NBEA: variants seen among roughly 807,000 people sequenced by gnomAD.
NBEA encodes the protein neurobeachin.
NBEA carries 44 observed loss-of-function variants against 343.4 expected under a neutral mutation model. That is an observed-to-expected ratio of 0.13 (90% confidence interval 0.10 to 0.16). The LOEUF (loss-of-function observed/expected upper bound fraction) is 0.16. NBEA is among the 10% of genes least tolerant of loss of function. NBEA has a pLI of 1.00. For missense variants in NBEA, 2,555 were observed against 3,631.3 expected (o/e 0.70, Z 7.62); for synonymous variants, 1,175 against 1,238.7 (o/e 0.95, Z 1.08).
At chr13:35,358,780 C>T (rs2040641731) in intron 38 of NBEA, among the ~76,000 whole-genome samples, 1 of 151,834 alleles carries the variant, frequency 6.6e-6, no homozygotes, top group Admixed American at 6.6e-5. Flanking sequence ...TAGAAAAGTG[C>T]CAAGTACTTT....
At chr13:35,251,571 G>T in intron 34 of NBEA, 1 of 1,202,858 alleles carries the variant, frequency 8.3e-7, no homozygotes. Flanking sequence ...TCAGGAAGGC[G>T]TTCACAGAAG....
chr13:35,419,549 GA>G (rs889819292), intron 38 of NBEA, among the ~76,000 whole-genome samples: 1 of 151,948 alleles, frequency 6.6e-6, no homozygotes, highest in African/African-American at 2.4e-5. Context: ...ACTGCTTTTG[GA>G]AAAATGTAAT....
intron 41 of NBEA, among the ~76,000 whole-genome samples, chr13:35,505,196 A>G (rs2077030601): frequency 6.6e-6 from 1 of 152,196 alleles, no homozygotes; most frequent in African/African-American, 2.4e-5. Flanking sequence ...CTATGTTCAT[A>G]TGAATCCAAC....
At chr13:35,557,089 A>G (rs953377121) in intron 44 of NBEA, among the ~76,000 whole-genome samples, 1 of 152,076 alleles carries the variant, frequency 6.6e-6, no homozygotes, top group Non-Finnish European at 1.5e-5. Context: ...ACTGGAGGGC[A>G]GGGTGATATA....
chr13:35,583,937 G>T lies in NBEA; in HGVS notation c.7075G>T (p.Ala2359Ser). The T allele has an allele frequency of 6.2e-7, 1 of 1,613,440 alleles. No homozygotes were observed. ...GAACCCCAAGAGAGCTGTGTTTTATGCAGAGCGTTATGAGACATGGGAAGA... is the reference window on the plus strand; with the variant it reads ...GAACCCCAAGAGAGCTGTGTTTTATTCAGAGCGTTATGAGACATGGGAAGA... ...ALNPKRAVFY[A>S]ERYETWEDDQ... The change falls in exon 46 of 59, where the codon GCA (alanine) becomes TCA (serine). Residue 2359 changes from alanine (A) to serine (S), a missense_variant. Ala to Ser is a moderately conservative substitution (Grantham distance 99). Transcript: ENST00000379939.
chr13:35,206,880 A>G (rs944832815), intron 31 of NBEA, among the ~76,000 whole-genome samples: 2 of 152,054 alleles, frequency 1.3e-5, no homozygotes, highest in African/African-American at 2.4e-5. Flanking sequence ...ATGTCACACT[A>G]CCTCTCAATG....
At chr13:35,185,479 A>G (rs2071630846) in intron 30 of NBEA, 3 of 152,140 alleles carry the variant, frequency 2.0e-5, no homozygotes, top group Admixed American at 1.3e-4. Context: ...ATTTTTTTCA[A>G]CCTCACTGCT....
At chr13:35,362,253 G>T (rs568871025) in intron 38 of NBEA, among the ~76,000 whole-genome samples, 1 of 151,722 alleles carries the variant, frequency 6.6e-6, no homozygotes, top group East Asian at 1.9e-4. Flanking sequence ...CTATTATGTT[G>T]GTCATAGAGT....
chr13:35,629,082 T>C (rs1313603785), intron 49 of NBEA, among the ~76,000 whole-genome samples: 3 of 152,232 alleles, frequency 2.0e-5, no homozygotes, highest in Admixed American at 1.3e-4. Context: ...GTAGTATGTA[T>C]ATAGTATTTT....
chr13:35,064,476 T>A (rs1431350002), intron 8 of NBEA, among the ~76,000 whole-genome samples: 1 of 152,088 alleles, frequency 6.6e-6, no homozygotes, highest in East Asian at 1.9e-4. Context: ...AATAACAATA[T>A]CAATAATGCC....
chr13:35,349,056 G>T (rs2040036440), intron 36 of NBEA, 52 bp from the exon 37 acceptor site: 2 of 914,960 alleles, frequency 2.2e-6, no homozygotes, highest in South Asian at 3.3e-5. Context: ...AAAAAAATTG[G>T]ACTGACCAAA....
chr13:35,438,306 A>C (rs1237732450), intron 39 of NBEA, among the ~76,000 whole-genome samples: 3 of 152,230 alleles, frequency 2.0e-5, no homozygotes, highest in African/African-American at 7.2e-5. Context: ...GCAGCTCTGT[A>C]ATGAATCTGG....
intron 38 of NBEA, among the ~76,000 whole-genome samples, chr13:35,362,608 A>G (rs1474015571): frequency 6.6e-6 from 1 of 151,980 alleles, no homozygotes; most frequent in Non-Finnish European, 1.5e-5. Flanking sequence ...TGACTCACCC[A>G]TGCCCACCAA....
intron 1 of NBEA, among the ~76,000 whole-genome samples, chr13:34,988,356 A>G (rs560867012): frequency 1.3e-5 from 2 of 151,226 alleles, no homozygotes; most frequent in South Asian, 2.1e-4. Context: ...TTAAGTCTGC[A>G]GATGTTTCTG....
chr13:35,144,530 C>G (rs937754554), intron 18 of NBEA, among the ~76,000 whole-genome samples: 34 of 152,134 alleles, frequency 2.2e-4, no homozygotes, highest in Non-Finnish European at 7.4e-5. Context: ...GAAGCTATTT[C>G]AACAGTTTCC....
At chr13:35,488,982 T>C (rs1329377335) in intron 41 of NBEA, among the ~76,000 whole-genome samples, 2 of 151,912 alleles carry the variant, frequency 1.3e-5, no homozygotes, top group Non-Finnish European at 2.9e-5. Flanking sequence ...AAATACAAAA[T>C]ACATTTATGT....
At chr13:35,565,115 C>G (rs1208487176) in intron 44 of NBEA, among the ~76,000 whole-genome samples, 2 of 152,202 alleles carry the variant, frequency 1.3e-5, no homozygotes, top group African/African-American at 4.8e-5. Flanking sequence ...GAAGCCCTAA[C>G]CTAGCTGTAA....
In NBEA at chr13:35,540,364, C is replaced by T. The variant is rs1391598121; in HGVS notation, c.6586-10113C>T. On this transcript the variant is annotated intron_variant, in intron 41 of 58. Coordinates refer to ENST00000379939, the MANE Select transcript of NBEA (RefSeq NM_001385012.1). Reference sequence around the variant, plus strand: ...TAGAAATGAAAGTAAATACTGGAAACTAGAAATTCGTTTATTTTCAGTAGT... The same window carrying T: ...TAGAAATGAAAGTAAATACTGGAAATTAGAAATTCGTTTATTTTCAGTAGT... 5.3e-5 allele frequency among the ~76,000 whole-genome samples: 8 copies of T among 152,174 alleles called. No homozygotes were observed. In the East Asian group the frequency reaches 1.5e-3, roughly 29 times the overall value.
intron 38 of NBEA, among the ~76,000 whole-genome samples, chr13:35,405,169 A>G (rs976985793): frequency 6.6e-6 from 1 of 152,196 alleles, no homozygotes; most frequent in Non-Finnish European, 1.5e-5. Flanking sequence ...TAGAAATGCA[A>G]AAATACATGC....
Sources: gnomAD v4.1 joint callset for allele counts (sites outside exome capture counted in the v4.1 genomes callset) on GRCh38, gnomAD v4.1.1 for gene constraint, MANE v1.5 for transcripts, NCBI Gene and HGNC (gene_info 2026-07-23, HGNC 2026-07-21) for gene names.